The following NEUROD6 variants were observed in gnomAD, a reference collection of about 807,000 sequenced individuals.
NEUROD6 encodes the protein neuronal differentiation 6.
In NEUROD6, 5 loss-of-function variants were observed where a neutral mutation model predicts 24.1. The ratio of observed to expected loss-of-function variants is 0.21; its 90% CI spans 0.11 to 0.44. The LOEUF (loss-of-function observed/expected upper bound fraction) is 0.44, where lower values mean the gene tolerates loss of function less well. Among genes scored for constraint, NEUROD6 ranks in the 20% least tolerant of loss-of-function variants. The pLI is 0.99. For synonymous variants in NEUROD6, 182 were observed against 154.1 expected (o/e 1.18, Z -1.34); for missense variants, 325 against 409.5 (o/e 0.79, Z 1.78).
chr7:31,338,855 C>T lies in NEUROD6; in HGVS notation c.414G>A (p.Leu138=), dbSNP rs1783095502. The change falls in exon 2 of 2, where the codon CTG becomes CTA. Residue 138 remains leucine (L), a synonymous_variant. Transcript: ENST00000297142. This position sits in a 1 kb window ranked among gnomAD's most constrained non-coding sequence, Gnocchi z 5.1. ...AAAGTGCCCAGATGTAGTTTTTGGCCAGTCGTAAAGTCTCTATTTTGGACA... is the reference window on the plus strand; with the variant it reads ...AAAGTGCCCAGATGTAGTTTTTGGCTAGTCGTAAAGTCTCTATTTTGGACA... The part of the protein sequence containing the change: ...QKLSKIETLR[L]AKNYIWALSE... The T allele has an allele frequency of 2.5e-6, 4 of 1,614,124 alleles. No individual in the cohort carries two copies. The highest frequency in any genetic ancestry group is 3.4e-6 in the Non-Finnish European group (4 of 1,180,026).
intron 1 of NEUROD6, among the ~76,000 whole-genome samples, chr7:31,340,390 A>G (rs1227842402): frequency 2.0e-5 from 3 of 152,234 alleles, no homozygotes; most frequent in Admixed American, 6.5e-5. Flanking sequence ...ACACGAACAC[A>G]TACACAAACT....
rs766627993 is a variant in NEUROD6, at chr7:31,338,553, G to A, written c.716C>T (p.Ala239Val). 5.6e-6 allele frequency: 9 copies of A among 1,614,006 alleles called. No individual in the cohort carries two copies. The Admixed American group carries it at 8.3e-5, about 15-fold the overall frequency. ...AGTACTTTCATAGAAGGATTCATACGCACTGCAATAATTGTAGGGTTTCAT... is the reference window on the plus strand; with the variant it reads ...AGTACTTTCATAGAAGGATTCATACACACTGCAATAATTGTAGGGTTTCAT... ...KSMKPYNYCS[A>V]YESFYESTSP... The change falls in exon 2 of 2, where the codon GCG (alanine) becomes GTG (valine). Residue 239 changes from alanine (A) to valine (V), a missense_variant. Around this residue, in one of 3 missense-constraint regions of NEUROD6, gnomAD observed 175 missense variants for 201.3 expected, o/e 0.87. Coordinates refer to ENST00000297142, the MANE Select transcript of NEUROD6 (RefSeq NM_022728.4). This position sits in a 1 kb window ranked among gnomAD's most constrained non-coding sequence, Gnocchi z 5.1.
Position 31,338,565 on chromosome 7 carries a change from T to C in NEUROD6, c.704A>G (p.Asn235Ser), listed in dbSNP as rs1783092439. 2.5e-6 allele frequency: 4 copies of C among 1,613,960 alleles called. No homozygotes were observed. Among genetic ancestry groups the C allele is most frequent in the Non-Finnish European group, 3.4e-6 (4 of 1,180,010 alleles). ...GAAGGATTCATACGCACTGCAATAA[T>C]TGTAGGGTTTCATGGACTTGGAATT... ...LDNSKSMKPY[N>S]YCSAYESFYE... Residue 235 changes from asparagine (N) to serine (S), a missense_variant, in exon 2 of 2, where the codon AAT becomes AGT. This residue lies in a region of NEUROD6 where 175 missense variants were observed against 201.3 expected (regional missense o/e 0.87). Coordinates refer to ENST00000297142, the MANE Select transcript of NEUROD6 (RefSeq NM_022728.4). The surrounding 1 kb of genome is among the most constrained non-coding windows in gnomAD (Gnocchi z 5.1).
chr7:31,340,481 A>T (rs902632716), intron 1 of NEUROD6, 112 bp downstream of exon 1: 1 of 152,234 alleles, frequency 6.6e-6, no homozygotes, highest in East Asian at 1.9e-4. Flanking sequence ...ATGAAATATG[A>T]TAAGTTATAG....
chr7:31,338,954 G>A lies in NEUROD6; in HGVS notation c.315C>T (p.Asn105=), dbSNP rs1783096326. 1.2e-6 allele frequency: 2 copies of A among 1,613,972 alleles called. No individual in the cohort carries two copies. The highest frequency in any genetic ancestry group is 1.7e-6 in the Non-Finnish European group (2 of 1,180,020). The change falls in exon 2 of 2, where the codon AAC becomes AAT. Residue 105 remains asparagine, a synonymous_variant. Transcript: ENST00000297142. This position sits in a 1 kb window ranked among gnomAD's most constrained non-coding sequence, Gnocchi z 5.1. ...GAGCGTCGTTGAGGCCGTGCATCCT[G>A]TTCCTCTCGCGCGCGTTCGCTTCCT... ...RRQEANARER[N]RMHGLNDALD...
chr7:31,340,109 A>G (rs907535163), intron 1 of NEUROD6, among the ~76,000 whole-genome samples: 2 of 152,138 alleles, frequency 1.3e-5, no homozygotes, highest in Non-Finnish European at 2.9e-5. Context: ...CTGGACAAAA[A>G]CCACTCTCGT....
Position 31,338,407 on chromosome 7 carries a change from C to T in NEUROD6, c.862G>A (p.Gly288Ser), listed in dbSNP as rs185651960. Reference sequence around the variant, plus strand: ...GGTGGCACTGCACAGTAATGCATGCCGTAATTGTAATTTTTACCATAGTCC... The same window carrying T: ...GGTGGCACTGCACAGTAATGCATGCTGTAATTGTAATTTTTACCATAGTCC... ...TLDYGKNYNY[G>S]MHYCAVPPRG... Residue 288 changes from glycine (G) to serine (S), a missense_variant, in exon 2 of 2, where the codon GGC (glycine) becomes AGC (serine). Gly to Ser is a moderately conservative substitution (Grantham distance 56). Transcript: ENST00000297142. The surrounding 1 kb of genome is among the most constrained non-coding windows in gnomAD (Gnocchi z 5.1). The T allele has an allele frequency of 2.0e-5, 32 of 1,613,858 alleles. No individual in the cohort carries two copies. The highest frequency in any genetic ancestry group is 1.6e-4 in the African/African-American group (12 of 74,944).
chr7:31,338,041 C>T lies in NEUROD6; in HGVS notation c.*214G>A. The stretch of plus-strand genomic sequence containing the variant: ...AAAATCTTTCCAGTAGAAACAGAAT[C>T]ACAGTGCTTCACAGACAAAAGGAAA... On this transcript the variant is annotated 3_prime_UTR_variant, in exon 2 of 2. Transcript: ENST00000297142. The surrounding 1 kb of genome is among the most constrained non-coding windows in gnomAD (Gnocchi z 5.1). The T allele has an allele frequency of 1.9e-6, 1 of 519,786 alleles. No individual in the cohort carries two copies. Among genetic ancestry groups the T allele is most frequent in the Non-Finnish European group, 3.4e-6 (1 of 296,526 alleles). The allele number at this position is 519,786 out of a possible 1,614,324, so 32.2% of individuals were successfully genotyped here. A position where few individuals can be genotyped will look rare whatever the true frequency, so the allele number is the denominator to read the frequency against.
rs1209633688 is a variant in NEUROD6 at position 31,338,314 on chromosome 7, G to A, written c.955C>T (p.His319Tyr). ...ATTGTGAGAGATTGGCTGCGCAGAT[G>A]TAAGTCGTAAGGGAAGTGGCTGTCG... is the stretch of plus-strand genomic sequence containing the variant. ...PTDSHFPYDLHLRSQSLTMQD... is the reference protein window; with the variant it reads ...PTDSHFPYDLYLRSQSLTMQD... The change falls in exon 2 of 2, where the codon CAT (histidine) becomes TAT (tyrosine). Residue 319 changes from histidine (H) to tyrosine (Y), a missense_variant. Physicochemically the swap from His to Tyr is moderately conservative, Grantham distance 83. Around this residue, in one of 3 missense-constraint regions of NEUROD6, gnomAD observed 175 missense variants for 201.3 expected, o/e 0.87. Coordinates refer to ENST00000297142, the MANE Select transcript of NEUROD6 (RefSeq NM_022728.4). This position sits in a 1 kb window ranked among gnomAD's most constrained non-coding sequence, Gnocchi z 5.1. 26 of 1,614,070 alleles carry A rather than the reference G, an allele frequency of 1.6e-5. No homozygotes were observed. The highest frequency in any genetic ancestry group is 2.2e-5 in the Non-Finnish European group (26 of 1,180,032).
In NEUROD6 at chr7:31,338,594, A is replaced by G. The variant is rs373437150; in HGVS notation, c.675T>C (p.Leu225=). The change falls in exon 2 of 2, where the codon CTT becomes CTC. Residue 225 remains leucine (L), a synonymous_variant. Coordinates refer to ENST00000297142, the MANE Select transcript of NEUROD6 (RefSeq NM_022728.4). This position sits in a 1 kb window ranked among gnomAD's most constrained non-coding sequence, Gnocchi z 5.1. The stretch of plus-strand genomic sequence containing the variant: ...AGGGTTTCATGGACTTGGAATTATC[A>G]AGAGTCCCATGCCCTGGGGGAGTGG... ...ELTTPPGHGT[L]DNSKSMKPYN... is the part of the protein sequence containing the mutation. 4 of 1,613,972 alleles carry G rather than the reference A, an allele frequency of 2.5e-6. No homozygotes were observed. The highest frequency in any genetic ancestry group is 3.4e-6 in the Non-Finnish European group (4 of 1,180,004).
rs746343771 is a variant in NEUROD6 at position 31,339,094 on chromosome 7, C to T, written c.175G>A (p.Glu59Lys). The change falls in exon 2 of 2, where the codon GAA becomes AAA. Residue 59 changes from glutamate (E) to lysine (K), a missense_variant. Physicochemically the swap from Glu to Lys is moderately conservative, Grantham distance 56. Transcript: ENST00000297142. ...KRAPGEETEK[E>K]EEEEDREEED... is the part of the protein sequence containing the mutation. ...TCTTCCCTGTCTTCCTCCTCTTCTT[C>T]TTTCTCGGTTTCTTCTCCAGGGGCC... 5.0e-6 allele frequency: 8 copies of T among 1,613,882 alleles called. No individual in the cohort carries two copies. In the Admixed American group the frequency reaches 1.0e-4, roughly 20 times the overall value.
In NEUROD6 at chr7:31,338,371, G is replaced by C. The variant is rs1293650923; in HGVS notation, c.898C>G (p.Leu300Val). ...HYCAVPPRGP[L>V]GQGAMFRLPT... ...AACCTGAACATGGCACCCTGCCCAA[G>C]GGGACCCCTGGGTGGCACTGCACAG... is the stretch of plus-strand genomic sequence containing the variant. Residue 300 changes from leucine to valine, a missense_variant, in exon 2 of 2, where the codon CTT becomes GTT. Around this residue, in one of 3 missense-constraint regions of NEUROD6, gnomAD observed 175 missense variants for 201.3 expected, o/e 0.87. Coordinates refer to ENST00000297142, the MANE Select transcript of NEUROD6 (RefSeq NM_022728.4). The surrounding 1 kb of genome is among the most constrained non-coding windows in gnomAD (Gnocchi z 5.1). 2 of 1,614,124 alleles carry C rather than the reference G, an allele frequency of 1.2e-6. No homozygotes were observed. Among genetic ancestry groups the C allele is most frequent in the South Asian group, 1.1e-5 (1 of 91,062 alleles).
rs141427132 is a variant in NEUROD6, at chr7:31,338,518, A to C, written c.751T>G (p.Cys251Gly). Residue 251 changes from cysteine to glycine, a missense_variant, in exon 2 of 2, where the codon TGT becomes GGT. This residue lies in a region of NEUROD6 where 175 missense variants were observed against 201.3 expected (regional missense o/e 0.87). Coordinates refer to ENST00000297142, the MANE Select transcript of NEUROD6 (RefSeq NM_022728.4). The surrounding 1 kb of genome is among the most constrained non-coding windows in gnomAD (Gnocchi z 5.1). The part of the protein sequence containing the change: ...ESFYESTSPE[C>G]ASPQFEGPLS... ...GGACCTTCAAACTGAGGGCTGGCAC[A>C]CTCAGGGGAAGTACTTTCATAGAAG... The C allele has an allele frequency of 6.2e-7, 1 of 1,614,104 alleles. No individual in the cohort carries two copies. The highest frequency in any genetic ancestry group is 1.7e-5 in the Admixed American group (1 of 60,014).
chr7:31,338,321 G>A lies in NEUROD6; in HGVS notation c.948C>T (p.Tyr316=), dbSNP rs773060233. The A allele has an allele frequency of 5.0e-6, 8 of 1,614,104 alleles. No individual in the cohort carries two copies. In the Admixed American group the frequency reaches 5.0e-5, roughly 10 times the overall value. Reference sequence around the variant, plus strand: ...GAGATTGGCTGCGCAGATGTAAGTCGTAAGGGAAGTGGCTGTCGGTGGGCA... The same window carrying A: ...GAGATTGGCTGCGCAGATGTAAGTCATAAGGGAAGTGGCTGTCGGTGGGCA... ...FRLPTDSHFP[Y]DLHLRSQSLT... is the part of the protein sequence containing the mutation. The change falls in exon 2 of 2, where the codon TAC becomes TAT. Residue 316 remains tyrosine, a synonymous_variant. Coordinates refer to ENST00000297142, the MANE Select transcript of NEUROD6 (RefSeq NM_022728.4). The surrounding 1 kb of genome is among the most constrained non-coding windows in gnomAD (Gnocchi z 5.1).
In NEUROD6 at chr7:31,338,935, C is replaced by G. The variant is rs1477393324; in HGVS notation, c.334G>C (p.Asp112His). The G allele has an allele frequency of 1.2e-6, 2 of 1,614,010 alleles. No individual in the cohort carries two copies. The highest frequency in any genetic ancestry group is 8.5e-7 in the Non-Finnish European group (1 of 1,180,046). The change falls in exon 2 of 2, where the codon GAC (aspartate) becomes CAC (histidine). Residue 112 changes from aspartate (D) to histidine (H), a missense_variant. Physicochemically the swap from Asp to His is moderately conservative, Grantham distance 81. Transcript: ENST00000297142. This position sits in a 1 kb window ranked among gnomAD's most constrained non-coding sequence, Gnocchi z 5.1. ...RERNRMHGLN[D>H]ALDNLRKVVP... The stretch of plus-strand genomic sequence containing the variant: ...ACTTTTCTTAAGTTGTCCAGAGCGT[C>G]GTTGAGGCCGTGCATCCTGTTCCTC...
In NEUROD6 at chr7:31,339,159, A is replaced by G; in HGVS notation, c.110T>C (p.Phe37Ser). Residue 37 changes from phenylalanine to serine, a missense_variant, in exon 2 of 2, where the codon TTT becomes TCT. By Grantham distance (155) the Phe-to-Ser change is radical. Coordinates refer to ENST00000297142, the MANE Select transcript of NEUROD6 (RefSeq NM_022728.4). ...TCCTCGAAGGACAATCTGTTTGGAA[A>G]AGCTTTCTGGCTTCTTAATTTGCTT... ...DQKQIKKPESFSKQIVLRGKS... is the reference protein window; with the variant it reads ...DQKQIKKPESSSKQIVLRGKS... 5 of 1,613,910 alleles carry G rather than the reference A, an allele frequency of 3.1e-6. No individual in the cohort carries two copies. The highest frequency in any genetic ancestry group is 4.2e-6 in the Non-Finnish European group (5 of 1,180,008).
chr7:31,338,641 G>T lies in NEUROD6; in HGVS notation c.628C>A (p.Pro210Thr), dbSNP rs145024193. 3.1e-6 allele frequency: 5 copies of T among 1,613,984 alleles called. No homozygotes were observed. The African/African-American group carries it at 6.7e-5, about 22-fold the overall frequency. ...TRSPYSTFYP[P>T]YHSPELTTPP... ...GTGGTGAGCTCAGGGCTGTGGTAGG[G>T]TGGGTAGAAGGTAGAGTAGGGTGAC... Residue 210 changes from proline to threonine, a missense_variant, in exon 2 of 2, where the codon CCC becomes ACC. Transcript: ENST00000297142. The surrounding 1 kb of genome is among the most constrained non-coding windows in gnomAD (Gnocchi z 5.1).
Position 31,338,001 on chromosome 7 carries a change from A to G in NEUROD6, c.*254T>C. On this transcript the variant is annotated 3_prime_UTR_variant, in exon 2 of 2. Coordinates refer to ENST00000297142, the MANE Select transcript of NEUROD6 (RefSeq NM_022728.4). The surrounding 1 kb of genome is among the most constrained non-coding windows in gnomAD (Gnocchi z 5.1). ...CAAACAAATTAAATAAGTTTAAAAG[A>G]AAATTAAAAAGAAAAAAATCTTTCC... 1 of 442,154 alleles carries G rather than the reference A, an allele frequency of 2.3e-6. No individual in the cohort carries two copies. The highest frequency in any genetic ancestry group is 4.0e-6 in the Non-Finnish European group (1 of 250,860). 27.4% of individuals were successfully genotyped at this position (442,154 alleles called of 1,614,324 possible).
chr7:31,339,232 G>T lies in NEUROD6; in HGVS notation c.37C>A (p.Pro13Thr). Residue 13 changes from proline (P) to threonine (T), a missense_variant, in exon 2 of 2, where the codon CCA (proline) becomes ACA (threonine). Physicochemically the swap from Pro to Thr is conservative, Grantham distance 38 (BLOSUM62 -1). Coordinates refer to ENST00000297142, the MANE Select transcript of NEUROD6 (RefSeq NM_022728.4). Reference protein sequence around the residue: ...TLPFDESVVMPESQMCRKFSR... With the variant: ...TLPFDESVVMTESQMCRKFSR... ...AACTTTCTGCACATCTGGGATTCTGGCATTACAACAGACTCATCAAACGGT... is the reference window on the plus strand; with the variant it reads ...AACTTTCTGCACATCTGGGATTCTGTCATTACAACAGACTCATCAAACGGT... 6.2e-7 allele frequency: 1 copy of T among 1,613,304 alleles called. No homozygotes were observed. The highest frequency in any genetic ancestry group is 1.1e-5 in the South Asian group (1 of 90,982).
Sources: gnomAD v4.1 joint callset for allele counts (sites outside exome capture counted in the v4.1 genomes callset) on GRCh38, gnomAD v4.1.1 for gene constraint, gnomAD v4.1.1 regional missense constraint, Gnocchi (gnomAD v3.1) non-coding constraint, MANE v1.5 for transcripts, NCBI Gene and HGNC (gene_info 2026-07-23, HGNC 2026-07-21) for gene names.